The following SLC12A8 variants were observed in gnomAD, a reference collection of about 807,000 sequenced individuals.
The protein encoded by SLC12A8 is solute carrier family 12 member 8, also known as cation-chloride cotransporter 9.
SLC12A8 carries 69 observed loss-of-function variants against 75.6 expected under a neutral mutation model. That is an observed-to-expected ratio of 0.91 (90% CI 0.75 to 1.11). SLC12A8 has a LOEUF of 1.11. Among genes scored for constraint, SLC12A8 ranks in the 50% most tolerant of loss-of-function variants. The pLI is 0.00. For synonymous variants in SLC12A8, 365 were observed against 372.8 expected (o/e 0.98, Z 0.24); for missense variants, 877 against 896.7 (o/e 0.98, Z 0.28).
At chr3:125,179,822 T>C (rs1194086694) in intron 4 of SLC12A8, among the ~76,000 whole-genome samples, 1 of 152,200 alleles carries the variant, frequency 6.6e-6, no homozygotes, top group East Asian at 1.9e-4. Context: ...TGATGTGTGA[T>C]AGTGACGTTA....
intron 5 of SLC12A8, among the ~76,000 whole-genome samples, chr3:125,144,343 G>C (rs933084097): frequency 2.6e-5 from 4 of 152,176 alleles, no homozygotes; most frequent in African/African-American, 9.7e-5. Context: ...TTCAAACGTT[G>C]TGCTGCCACT....
intron 5 of SLC12A8, among the ~76,000 whole-genome samples, chr3:125,141,083 C>T (rs977881027): frequency 2.0e-5 from 3 of 150,792 alleles, no homozygotes; most frequent in African/African-American, 7.3e-5. Flanking sequence ...TTGACCTGAA[C>T]ATCTGTTTCT....
intron 6 of SLC12A8, among the ~76,000 whole-genome samples, chr3:125,127,559 G>C (rs1560060572): frequency 6.6e-6 from 1 of 152,186 alleles, no homozygotes; most frequent in Non-Finnish European, 1.5e-5. Flanking sequence ...TTTTTTGAAA[G>C]TACAAAATTA....
Position 125,135,768 on chromosome 3 carries a change from C to A in SLC12A8, c.637G>T (p.Gly213Ter). Reference protein sequence around the residue: ...THLDPEHGFIGYSPELLQNNT... With the variant: ...THLDPEHGFI ...TTCTGTAGCAGTTCGGGTGAATATC[C>A]AATGAAACCATGTTCTGAAATAAAG... Residue 213 changes from glycine to a stop codon, truncating the protein, a stop_gained, in exon 6 of 14, where the codon GGA becomes TGA. Coordinates refer to ENST00000469902, the MANE Select transcript of SLC12A8 (RefSeq NM_024628.6). LOFTEE classifies it high-confidence loss of function. 6.2e-7 allele frequency: 1 copy of A among 1,600,238 alleles called. No homozygotes were observed. Among genetic ancestry groups the A allele is most frequent in the Non-Finnish European group, 8.5e-7 (1 of 1,172,316 alleles).
At chr3:125,105,732 A>G (rs1939004793) in intron 10 of SLC12A8, among the ~76,000 whole-genome samples, 1 of 152,204 alleles carries the variant, frequency 6.6e-6, no homozygotes, top group Admixed American at 6.5e-5. Context: ...AGAGTGGCAT[A>G]TAAGAGTTAA....
chr3:125,175,569 G>A (rs1934507718), intron 5 of SLC12A8, among the ~76,000 whole-genome samples: 2 of 152,182 alleles, frequency 1.3e-5, no homozygotes, highest in Admixed American at 6.5e-5. Flanking sequence ...TTTCAAAGAA[G>A]CCAGTAGCAC....
intron 5 of SLC12A8, among the ~76,000 whole-genome samples, chr3:125,146,098 G>A (rs1473728683): frequency 6.6e-6 from 1 of 152,224 alleles, no homozygotes; most frequent in Non-Finnish European, 1.5e-5. Context: ...CCAAAGTGCT[G>A]AGATTATAGG....
intron 6 of SLC12A8, among the ~76,000 whole-genome samples, chr3:125,124,682 C>A (rs1933152866): frequency 6.6e-6 from 1 of 152,180 alleles, no homozygotes; most frequent in South Asian, 2.1e-4. Context: ...AATTCTACCT[C>A]TGTGTTACCA....
In SLC12A8 at chr3:125,083,756, T is replaced by A. The variant is rs1938387279; in HGVS notation, c.*134A>T. 1 of 875,682 alleles carries A rather than the reference T, an allele frequency of 1.1e-6. No individual in the cohort carries two copies. The highest frequency in any genetic ancestry group is 3.1e-5 in the Admixed American group (1 of 32,480). The allele number at this position is 875,682 out of a possible 1,614,324, so 54.2% of individuals were successfully genotyped here. A position where few individuals can be genotyped will look rare whatever the true frequency, so the allele number is the denominator to read the frequency against. The stretch of plus-strand genomic sequence containing the variant: ...AAAAAAGGGAAAAGAAAATGTAGAT[T>A]TCCATTGTCCAAAGTGACAGCGGGA... On this transcript the variant is annotated 3_prime_UTR_variant, in exon 14 of 14. Transcript: ENST00000469902.
intron 5 of SLC12A8, among the ~76,000 whole-genome samples, chr3:125,165,828 C>T (rs904496286): frequency 2.0e-5 from 3 of 152,188 alleles, no homozygotes; most frequent in Non-Finnish European, 2.9e-5. Flanking sequence ...AGGCCAGCTG[C>T]GAGGCCCAGA....
intron 2 of SLC12A8, among the ~76,000 whole-genome samples, chr3:125,197,820 C>A (rs376021460): frequency 6.6e-6 from 1 of 152,190 alleles, no homozygotes; most frequent in South Asian, 2.1e-4. Context: ...AGAAAATCAC[C>A]ATTTTGCAGC....
chr3:125,122,419 A>T lies in SLC12A8; in HGVS notation c.737-1733T>A, dbSNP rs991665090. Among the ~76,000 whole-genome samples, 10 of 152,256 alleles carry T rather than the reference A, an allele frequency of 6.6e-5. No homozygotes were observed. In the South Asian group the frequency reaches 1.2e-3, roughly 19 times the overall value. On this transcript the variant is annotated intron_variant, in intron 6 of 13. Coordinates refer to ENST00000469902, the MANE Select transcript of SLC12A8 (RefSeq NM_024628.6). Reference sequence around the variant, plus strand: ...TTCCTCTCATTCCCTCCTCTCCAAGATCCTATTAAGAGCATAGTAAAGGGG... The same window carrying T: ...TTCCTCTCATTCCCTCCTCTCCAAGTTCCTATTAAGAGCATAGTAAAGGGG...
chr3:125,187,472 G>A, intron 3 of SLC12A8, 44 bp from the exon 4 acceptor site: 2 of 1,574,234 alleles, frequency 1.3e-6, no homozygotes, highest in East Asian at 2.3e-5. Flanking sequence ...AGGTGAGGAG[G>A]CCCCGCCAGC....
At chr3:125,099,998 A>G (rs1308511785) in intron 10 of SLC12A8, among the ~76,000 whole-genome samples, 1 of 152,242 alleles carries the variant, frequency 6.6e-6, no homozygotes, top group Non-Finnish European at 1.5e-5. Flanking sequence ...TAGAAAGCAC[A>G]GTAACAGAAA....
chr3:125,171,209 A>AAGGTAAAAATTAGGCCGGGCATGGTG (rs1934399787), intron 5 of SLC12A8, among the ~76,000 whole-genome samples: 5 of 55,164 alleles, frequency 9.1e-5, no homozygotes, highest in South Asian at 3.9e-4. Flanking sequence ...CTCCATTGAA[A>AAGGTAAAAATTAGGCCGGGCATGGTG]GATATCATCT....
At chr3:125,164,311 T>C (rs1254091647) in intron 5 of SLC12A8, among the ~76,000 whole-genome samples, 1 of 152,226 alleles carries the variant, frequency 6.6e-6, no homozygotes, top group Non-Finnish European at 1.5e-5. Context: ...TCAAGAAAGT[T>C]GCATAACCTC....
intron 4 of SLC12A8, among the ~76,000 whole-genome samples, chr3:125,186,778 C>T (rs914166024): frequency 4.6e-5 from 7 of 152,226 alleles, no homozygotes; most frequent in East Asian, 1.9e-4. Context: ...GAAGGCCACC[C>T]GAGCTATCAA....
At chr3:125,163,710 G>A (rs1934224801) in intron 5 of SLC12A8, among the ~76,000 whole-genome samples, 1 of 152,158 alleles carries the variant, frequency 6.6e-6, no homozygotes. Context: ...GGGGCCCTGT[G>A]ATCCCTTCAT....
chr3:125,089,688 CTTTT>C (rs752856308), intron 12 of SLC12A8, among the ~76,000 whole-genome samples: 1 of 37,274 alleles, frequency 2.7e-5, no homozygotes, highest in Non-Finnish European at 5.0e-5. Flanking sequence ...ACCTTTTTCT[CTTTT>C]TTTTTTTTTT....
Sources: gnomAD v4.1 joint callset for allele counts (sites outside exome capture counted in the v4.1 genomes callset) on GRCh38, gnomAD v4.1.1 for gene constraint, MANE v1.5 for transcripts, NCBI Gene and HGNC (gene_info 2026-07-23, HGNC 2026-07-21) for gene names.